The following BCAS4 variants were observed in gnomAD, a reference collection of about 807,000 sequenced individuals.
The protein encoded by BCAS4 is breast carcinoma amplified sequence 4.
In BCAS4, 9 loss-of-function variants were observed where a neutral mutation model predicts 15.7. The observed-to-expected ratio is 0.57, with a 90% confidence interval of 0.34 to 1.00. The LOEUF (loss-of-function observed/expected upper bound fraction) is 1.00. BCAS4 is among the 50% of genes least tolerant of loss of function. The probability of loss-of-function intolerance (pLI) is 0.02; values close to 1 mark genes in which losing one functional copy is unlikely to be tolerated. For missense variants in BCAS4, 225 were observed against 239.1 expected, an observed-to-expected ratio of 0.94 and a Z score of 0.39; for synonymous variants, 101 against 99.5, an observed-to-expected ratio of 1.02 and a Z score of -0.09.
chr20:50,867,337 T>C (rs1387542429), intron 4 of BCAS4, among the ~76,000 whole-genome samples: 1 of 152,178 alleles, frequency 6.6e-6, no homozygotes, highest in Non-Finnish European at 1.5e-5. Context: ...GTTTTTGGTC[T>C]TGGGCTTTTG....
intron 1 of BCAS4, among the ~76,000 whole-genome samples, chr20:50,798,922 A>C (rs2087896991): frequency 6.6e-6 from 1 of 152,190 alleles, no homozygotes; most frequent in East Asian, 1.9e-4. Flanking sequence ...CTCATGGCAT[A>C]AATGACTTCA....
intron 4 of BCAS4, among the ~76,000 whole-genome samples, chr20:50,865,710 A>C (rs1175324573): frequency 6.6e-6 from 1 of 152,098 alleles, no homozygotes; most frequent in African/African-American, 2.4e-5. Flanking sequence ...TGCTGTGGTC[A>C]CTGGGCCGGC....
chr20:50,823,051 C>G (rs891544305), intron 2 of BCAS4, among the ~76,000 whole-genome samples: 3 of 151,954 alleles, frequency 2.0e-5, no homozygotes, highest in African/African-American at 7.2e-5. Context: ...TTCATAGAAG[C>G]CTTATTCGCC....
intron 3 of BCAS4, among the ~76,000 whole-genome samples, chr20:50,834,661 C>T (rs970702599): frequency 6.6e-6 from 1 of 152,316 alleles, no homozygotes; most frequent in South Asian, 2.1e-4. Flanking sequence ...ATAATAAGCA[C>T]TATCTCATTC....
At chr20:50,845,859 A>G (rs6096122) in intron 4 of BCAS4, among the ~76,000 whole-genome samples, 57,109 of 152,226 alleles carry the variant, frequency 0.38, 14,977 homozygotes, top group African/African-American at 0.75. Context: ...CACACCACTC[A>G]CCAGAGGCGC....
chr20:50,839,816 T>C (rs2088454621), intron 3 of BCAS4, among the ~76,000 whole-genome samples: 1 of 152,238 alleles, frequency 6.6e-6, no homozygotes, highest in African/African-American at 2.4e-5. Flanking sequence ...CCAAGGTTGA[T>C]ACTGTTTTTA....
intron 1 of BCAS4, among the ~76,000 whole-genome samples, chr20:50,809,266 A>G (rs1024794950): frequency 1.3e-5 from 2 of 151,436 alleles, no homozygotes; most frequent in African/African-American, 2.4e-5. Context: ...CTGGAGTGCA[A>G]TGGCGCAATC....
At chr20:50,828,282 G>A (rs1695498097) in intron 2 of BCAS4, among the ~76,000 whole-genome samples, 2 of 151,976 alleles carry the variant, frequency 1.3e-5, no homozygotes, top group African/African-American at 2.4e-5. Flanking sequence ...ACCAGAGGAG[G>A]GCTAGGCGTG....
At chr20:50,874,120 T>C (rs1023318797) in intron 4 of BCAS4, among the ~76,000 whole-genome samples, 1 of 152,164 alleles carries the variant, frequency 6.6e-6, no homozygotes, top group Non-Finnish European at 1.5e-5. Flanking sequence ...CTGCTCTTCC[T>C]GAAGTGCAGA....
chr20:50,873,715 C>T (rs149431218), intron 4 of BCAS4, among the ~76,000 whole-genome samples: 39 of 152,252 alleles, frequency 2.6e-4, no homozygotes, highest in African/African-American at 8.9e-4. Flanking sequence ...AGCTGGGGAA[C>T]GTGCTAGGAG....
intron 2 of BCAS4, among the ~76,000 whole-genome samples, chr20:50,828,950 A>G (rs890896537): frequency 1.3e-5 from 2 of 152,204 alleles, no homozygotes; most frequent in African/African-American, 4.8e-5. Context: ...CAGCGAAAGA[A>G]GGACCATCGT....
At chr20:50,840,880 A>T in intron 3 of BCAS4, 1 of 740,968 alleles carries the variant, frequency 1.3e-6, no homozygotes, top group Non-Finnish European at 2.4e-6. Context: ...CGCAGGCTGG[A>T]CTGCAATGGC....
intron 3 of BCAS4, among the ~76,000 whole-genome samples, chr20:50,836,838 G>A (rs1470688512): frequency 2.6e-5 from 4 of 152,112 alleles, no homozygotes; most frequent in Non-Finnish European, 4.4e-5. Flanking sequence ...CTCTCGAATA[G>A]CTGGGACTAC....
chr20:50,828,972 G>A (rs2088311349), intron 2 of BCAS4, among the ~76,000 whole-genome samples: 1 of 152,166 alleles, frequency 6.6e-6, no homozygotes, highest in South Asian at 2.1e-4. Context: ...TTGCACCACT[G>A]TCCCAGTGAG....
chr20:50,841,879 A>T lies in BCAS4; in HGVS notation c.378A>T (p.Ala126=). 1 of 1,594,478 alleles carries T rather than the reference A, an allele frequency of 6.3e-7. No homozygotes were observed. The highest frequency in any genetic ancestry group is 8.6e-7 in the Non-Finnish European group (1 of 1,168,952). The change falls in exon 4 of 5, where the codon GCA becomes GCT. Residue 126 remains alanine, a synonymous_variant. Coordinates refer to ENST00000371608, the MANE Select transcript of BCAS4 (RefSeq NM_198799.4). ...PQALRRWLGS[A]GLPSFRNKSP... Reference sequence around the variant, plus strand: ...CCCTGCGGAGGTGGCTGGGATCCGCAGGGCTCCCCTCCTTCAGGAACGTGA... The same window carrying T: ...CCCTGCGGAGGTGGCTGGGATCCGCTGGGCTCCCCTCCTTCAGGAACGTGA...
intron 1 of BCAS4, 103 bp from the exon 2 acceptor site, chr20:50,818,108 A>T (rs1236181105): frequency 9.2e-7 from 1 of 1,090,918 alleles, no homozygotes; most frequent in Non-Finnish European, 1.3e-6. Flanking sequence ...AACCGGGCAC[A>T]TAATCCTAAG....
intron 4 of BCAS4, among the ~76,000 whole-genome samples, chr20:50,871,286 T>C (rs1015483611): frequency 6.6e-6 from 1 of 152,100 alleles, no homozygotes; most frequent in African/African-American, 2.4e-5. Flanking sequence ...CAGGCTGCCA[T>C]GATAGTCCAA....
At chr20:50,841,180 C>A (rs1315681690) in intron 3 of BCAS4, among the ~76,000 whole-genome samples, 2 of 152,130 alleles carry the variant, frequency 1.3e-5, no homozygotes, top group Non-Finnish European at 2.9e-5. Flanking sequence ...CTGAGTGGTC[C>A]CTGTGGGCCT....
intron 3 of BCAS4, among the ~76,000 whole-genome samples, chr20:50,831,428 A>T (rs1366349878): frequency 6.6e-6 from 1 of 152,046 alleles, no homozygotes; most frequent in East Asian, 1.9e-4. Context: ...AGAAAAAAAA[A>T]TGGGTGGAGC....
Sources: allele counts gnomAD v4.1 joint callset (sites outside exome capture counted in the v4.1 genomes callset), GRCh38; gene constraint gnomAD v4.1.1; transcripts MANE v1.5; gene names NCBI Gene and HGNC (gene_info 2026-07-23, HGNC 2026-07-21).